Variants in SHISA9 observed in about 807,000 individuals in gnomAD.
SHISA9 encodes the protein protein shisa-9.
In SHISA9, 13 loss-of-function variants were observed where a neutral mutation model predicts 38.0. That is an observed-to-expected ratio of 0.34 (90% CI 0.22 to 0.54). SHISA9 has a LOEUF of 0.54. SHISA9 is among the 20% of genes least tolerant of loss of function. The pLI is 0.91. For missense variants in SHISA9, 538 were observed against 575.8 expected (o/e 0.93, Z 0.67); for synonymous variants, 275 against 242.0 (o/e 1.14, Z -1.27).
chr16:13,529,883 A>T, the SHISA9 span, among the ~76,000 whole-genome samples: 309 of 152,316 alleles, frequency 2.0e-3, 1 homozygote, highest in African/African-American at 7.1e-3. Flanking sequence ...ATTGATCTGG[A>T]GGAAATCCTA....
intron 2 of SHISA9, among the ~76,000 whole-genome samples, chr16:13,175,804 C>T (rs1335525139): frequency 6.6e-6 from 1 of 151,982 alleles, no homozygotes; most frequent in Non-Finnish European, 1.5e-5. Context: ...ATAAAATATG[C>T]CCCCCCACAC....
At chr16:13,106,380 T>C (rs2073925576) in intron 2 of SHISA9, among the ~76,000 whole-genome samples, 1 of 152,184 alleles carries the variant, frequency 6.6e-6, no homozygotes. Flanking sequence ...CACCACTTAC[T>C]AGCTCTGTGG....
rs153097 is a variant in SHISA9, at chr16:13,180,439, C to T, written c.692-22955C>T. On this transcript the variant is annotated intron_variant, in intron 2 of 4. Transcript: ENST00000558583. ...ATCAGCCAGGCACCGTGGCTCACAC[C>T]GCAATCCCAGCACTTTGGGAGGCCA... Among the ~76,000 whole-genome samples the T allele has an allele frequency of 1.7e-3, 264 of 152,232 alleles. 5 individuals carry two copies. The East Asian group carries it at 0.042, about 24-fold the overall frequency.
the SHISA9 span, among the ~76,000 whole-genome samples, chr16:13,438,261 A>C: frequency 6.6e-6 from 1 of 152,200 alleles, no homozygotes. Context: ...AGTGGCAATG[A>C]AATCATTTTC....
chr16:13,206,334 C>G (rs1284943055), intron 3 of SHISA9, among the ~76,000 whole-genome samples: 1 of 152,134 alleles, frequency 6.6e-6, no homozygotes, highest in African/African-American at 2.4e-5. Flanking sequence ...CCTATTTTCT[C>G]CCCCCACTGC....
At chr16:12,973,138 A>C (rs1337967833) in intron 2 of SHISA9, among the ~76,000 whole-genome samples, 3 of 152,192 alleles carry the variant, frequency 2.0e-5, no homozygotes, top group African/African-American at 4.8e-5. Flanking sequence ...CCCCCACACA[A>C]AAAATAATAG....
chr16:13,306,223 C>T, the SHISA9 span, among the ~76,000 whole-genome samples: 12 of 152,154 alleles, frequency 7.9e-5, no homozygotes, highest in African/African-American at 2.7e-4. Flanking sequence ...CATAATTTGG[C>T]AACCAATCTG....
At chr16:13,462,466 A>G in the SHISA9 span, among the ~76,000 whole-genome samples, 1 of 152,128 alleles carries the variant, frequency 6.6e-6, no homozygotes, top group Non-Finnish European at 1.5e-5. Flanking sequence ...TTCAGAGGAT[A>G]TTATGTCTCG....
chr16:13,510,201 G>A, the SHISA9 span, among the ~76,000 whole-genome samples: 3 of 152,088 alleles, frequency 2.0e-5, no homozygotes, highest in South Asian at 2.1e-4. Context: ...CCAGCTACAC[G>A]GGAGGCTGAG....
the SHISA9 span, among the ~76,000 whole-genome samples, chr16:13,490,390 C>T: frequency 6.6e-6 from 1 of 151,998 alleles, no homozygotes; most frequent in Non-Finnish European, 1.5e-5. Context: ...CTCTACAAAA[C>T]AAACAAACAA....
At chr16:12,931,468 C>T (rs1373400498) in intron 2 of SHISA9, among the ~76,000 whole-genome samples, 1 of 152,150 alleles carries the variant, frequency 6.6e-6, no homozygotes, top group Non-Finnish European at 1.5e-5. Flanking sequence ...TTCCCAGTGT[C>T]TGTTATTCCC....
the SHISA9 span, among the ~76,000 whole-genome samples, chr16:13,310,056 T>G: frequency 2.0e-5 from 3 of 151,950 alleles, no homozygotes; most frequent in African/African-American, 4.8e-5. Flanking sequence ...CCTGGCTAAT[T>G]TTTATATTTT....
At chr16:13,376,403 A>T in the SHISA9 span, among the ~76,000 whole-genome samples, 9 of 152,328 alleles carry the variant, frequency 5.9e-5, no homozygotes, top group African/African-American at 2.2e-4. Context: ...CAACACACTT[A>T]TATGACTACA....
chr16:13,269,730 A>T, the SHISA9 span, among the ~76,000 whole-genome samples: 4 of 152,212 alleles, frequency 2.6e-5, no homozygotes, highest in African/African-American at 9.6e-5. Context: ...GGTGGTATGG[A>T]TAAAGAGAAA....
chr16:13,297,812 A>G, the SHISA9 span, among the ~76,000 whole-genome samples: 1 of 152,040 alleles, frequency 6.6e-6, no homozygotes, highest in Non-Finnish European at 1.5e-5. Flanking sequence ...GCTGGAGTGC[A>G]ATGGCACAAT....
At chr16:13,227,160 T>C (rs1567256720) in intron 4 of SHISA9, among the ~76,000 whole-genome samples, 1 of 152,190 alleles carries the variant, frequency 6.6e-6, no homozygotes, top group Non-Finnish European at 1.5e-5. Context: ...CTGTTTCTGA[T>C]TGTCTTTCGT....
chr16:13,394,755 A>G, the SHISA9 span, among the ~76,000 whole-genome samples: 5 of 152,134 alleles, frequency 3.3e-5, no homozygotes, highest in Admixed American at 1.3e-4. Flanking sequence ...GGGGAAATAT[A>G]TTGAGATATT....
the SHISA9 span, among the ~76,000 whole-genome samples, chr16:13,308,567 T>C: frequency 6.6e-6 from 1 of 152,182 alleles, no homozygotes; most frequent in Non-Finnish European, 1.5e-5. Flanking sequence ...CCAATGACGG[T>C]AATCTTCAAA....
chr16:13,051,196 G>A (rs2073247203), intron 2 of SHISA9, among the ~76,000 whole-genome samples: 3 of 152,202 alleles, frequency 2.0e-5, no homozygotes, highest in Admixed American at 6.5e-5. Flanking sequence ...CCACATGGCT[G>A]GGGAGACCTC....
Sources: gnomAD v4.1 joint callset for allele counts (sites outside exome capture counted in the v4.1 genomes callset) on GRCh38, gnomAD v4.1.1 for gene constraint, MANE v1.5 for transcripts, NCBI Gene and HGNC (gene_info 2026-07-23, HGNC 2026-07-21) for gene names.